KCTD20: variants seen among roughly 807,000 people sequenced by gnomAD.
KCTD20 encodes potassium channel tetramerization domain containing 20, also known as BTB/POZ domain-containing protein KCTD20.
A neutral mutation model predicts 39.6 loss-of-function variants in KCTD20; 30 were observed. The ratio of observed to expected loss-of-function variants is 0.76; its 90% CI spans 0.57 to 1.03. The LOEUF (loss-of-function observed/expected upper bound fraction) is 1.03. KCTD20 is among the 50% of genes least tolerant of loss of function. The probability of loss-of-function intolerance (pLI) is 0.00; values close to 1 mark genes in which losing one functional copy is unlikely to be tolerated. For synonymous variants in KCTD20, 162 were observed against 180.6 expected, an observed-to-expected ratio of 0.90 and a Z score of 0.83; for missense variants, 422 against 522.0, an observed-to-expected ratio of 0.81 and a Z score of 1.87.
intron 6 of KCTD20, among the ~76,000 whole-genome samples, chr6:36,483,986 C>CTGGA (rs1776342085): frequency 6.8e-6 from 1 of 146,930 alleles, no homozygotes. Flanking sequence ...CTTGGCCAGG[C>CTGGA]TGGAGTGCAA....
intron 7 of KCTD20, among the ~76,000 whole-genome samples, chr6:36,485,318 A>G (rs984063013): frequency 1.3e-5 from 2 of 152,112 alleles, no homozygotes; most frequent in African/African-American, 4.8e-5. Flanking sequence ...TCATCTCAAA[A>G]AAAAAAAAAG....
At chr6:36,446,024 G>GTTGTTTT (rs1554158231) in intron 1 of KCTD20, among the ~76,000 whole-genome samples, 1 of 126,538 alleles carries the variant, frequency 7.9e-6, no homozygotes, top group Non-Finnish European at 1.6e-5. Context: ...TATGAACTCA[G>GTTGTTTT]TTTTTTTTTT....
At chr6:36,474,128 G>T (rs950286203) in intron 2 of KCTD20, among the ~76,000 whole-genome samples, 3 of 152,020 alleles carry the variant, frequency 2.0e-5, no homozygotes, top group Admixed American at 2.0e-4. Context: ...CATTGTGCAG[G>T]TTAGTTACAT....
chr6:36,448,013 G>GTGTGTA (rs1554158507), intron 1 of KCTD20, among the ~76,000 whole-genome samples: 14,228 of 128,676 alleles, frequency 0.11, 1,074 homozygotes, highest in African/African-American at 0.16. Flanking sequence ...GTATGTGTGT[G>GTGTGTA]TGTATATATA....
At chr6:36,454,916 A>G (rs191365461) in intron 1 of KCTD20, among the ~76,000 whole-genome samples, 3 of 150,396 alleles carry the variant, frequency 2.0e-5, no homozygotes, top group East Asian at 2.0e-4. Context: ...CCAAAGTGCT[A>G]GGATTACAGG....
At chr6:36,480,809 C>T (rs115676756) in intron 5 of KCTD20, among the ~76,000 whole-genome samples, 2,381 of 152,282 alleles carry the variant, frequency 0.016, 38 homozygotes, top group Non-Finnish European at 0.024. Flanking sequence ...ACCTCGGCCT[C>T]CCAAAGTGCC....
chr6:36,461,477 G>A (rs1433653644), intron 1 of KCTD20, among the ~76,000 whole-genome samples: 1 of 151,922 alleles, frequency 6.6e-6, no homozygotes, highest in African/African-American at 2.4e-5. Context: ...TTATTATATG[G>A]TTCTTTAAAT....
In KCTD20 at chr6:36,486,977, A is replaced by G. The variant is rs370002381; in HGVS notation, c.1062A>G (p.Ser354=). The change falls in exon 8 of 8, where the codon TCA becomes TCG. Residue 354 remains serine, a synonymous_variant. Coordinates refer to ENST00000373731, the MANE Select transcript of KCTD20 (RefSeq NM_173562.5). The part of the protein sequence containing the change: ...NYVQRPFIQM[S]WEKEEGKSRH... The stretch of plus-strand genomic sequence containing the variant: ...TACAACGCCCCTTCATCCAGATGTC[A>G]TGGGAAAAGGAAGAAGGGAAGAGTC... The G allele has an allele frequency of 8.9e-5, 144 of 1,613,568 alleles. No homozygotes were observed. Among genetic ancestry groups the G allele is most frequent in the Non-Finnish European group, 1.2e-4 (143 of 1,179,560 alleles).
chr6:36,459,861 CT>C (rs1775548969), intron 1 of KCTD20, among the ~76,000 whole-genome samples: 1 of 152,170 alleles, frequency 6.6e-6, no homozygotes, highest in Admixed American at 6.5e-5. Context: ...CAACTCTTTT[CT>C]TGCTATATAA....
intron 6 of KCTD20, among the ~76,000 whole-genome samples, chr6:36,484,187 C>T (rs1408632635): frequency 1.3e-5 from 2 of 152,142 alleles, no homozygotes; most frequent in Non-Finnish European, 2.9e-5. Context: ...CTGCCTGCCT[C>T]GGCCTCCCAA....
intron 1 of KCTD20, among the ~76,000 whole-genome samples, chr6:36,458,643 A>G (rs1303472006): frequency 1.3e-5 from 2 of 151,006 alleles, no homozygotes; most frequent in African/African-American, 4.9e-5. Flanking sequence ...TTGGCCTCCC[A>G]AAGTGCTGGG....
chr6:36,481,808 C>T, intron 6 of KCTD20, 49 bp downstream of exon 6: 1 of 1,500,770 alleles, frequency 6.7e-7, no homozygotes, highest in Non-Finnish European at 9.2e-7. Context: ...AAACTTGCTA[C>T]CTGGAGTAGC....
chr6:36,474,576 C>T (rs1776006404), intron 2 of KCTD20, among the ~76,000 whole-genome samples: 1 of 152,176 alleles, frequency 6.6e-6, no homozygotes, highest in Non-Finnish European at 1.5e-5. Context: ...TCCCCCAACC[C>T]TCACATGTAC....
chr6:36,455,112 C>T (rs1436366143), intron 1 of KCTD20, among the ~76,000 whole-genome samples: 1 of 152,042 alleles, frequency 6.6e-6, no homozygotes, highest in Non-Finnish European at 1.5e-5. Flanking sequence ...CTCTGCTTAA[C>T]TTCTCAACTT....
At position 36,480,410 on chromosome 6, in the gene KCTD20, C is replaced by CTTT. The variant is rs550520667; in HGVS notation, c.658+720_658+722dup. Among the ~76,000 whole-genome samples the CTTT allele has an allele frequency of 9.2e-4, 112 of 121,774 alleles. 1 individual carries two copies. Among genetic ancestry groups the CTTT allele is most frequent in the African/African-American group, 3.4e-3 (107 of 31,366 alleles). 79.9% of individuals were successfully genotyped at this position (121,774 alleles called of 152,430 possible). On this transcript the variant is annotated intron_variant, in intron 5 of 7. Coordinates refer to ENST00000373731, the MANE Select transcript of KCTD20 (RefSeq NM_173562.5). The stretch of plus-strand genomic sequence containing the variant: ...CAGGTTCTCCTGATCATGATATTGC[C>CTTT]TTTTTTTTTTTTTTTTTTTTTTTAA...
intron 7 of KCTD20, among the ~76,000 whole-genome samples, chr6:36,485,299 A>T (rs1196409165): frequency 6.6e-6 from 1 of 151,802 alleles, no homozygotes. Context: ...GGGCAATAAG[A>T]GTTAAACTTC....
intron 5 of KCTD20, among the ~76,000 whole-genome samples, 176 bp downstream of exon 5, chr6:36,479,887 G>A (rs1182490829): frequency 6.9e-6 from 1 of 144,758 alleles, no homozygotes; most frequent in Non-Finnish European, 1.5e-5. Context: ...CGCCTCCTGG[G>A]TTCAAGGGAT....
Position 36,469,718 on chromosome 6 carries a change from CTA to C in KCTD20, c.-46-332_-46-331del, listed in dbSNP as rs1208652991. On this transcript the variant is annotated intron_variant, in intron 1 of 7. Coordinates refer to ENST00000373731, the MANE Select transcript of KCTD20 (RefSeq NM_173562.5). This position sits in a 1 kb window ranked among gnomAD's most constrained non-coding sequence, Gnocchi z 4.6. ...TTGAAAAGTTGGACTCTCTGCTGCCCTATGTCTCTGTAATATGAATACCACAA... is the reference window on the plus strand; with the variant it reads ...TTGAAAAGTTGGACTCTCTGCTGCCCTGTCTCTGTAATATGAATACCACAA... Among the ~76,000 whole-genome samples the C allele has an allele frequency of 6.6e-6, 1 of 152,054 alleles. No individual in the cohort carries two copies. Among genetic ancestry groups the C allele is most frequent in the Non-Finnish European group, 1.5e-5 (1 of 67,996 alleles).
intron 4 of KCTD20, 94 bp downstream of exon 4, chr6:36,479,317 G>T: frequency 1.1e-6 from 1 of 918,422 alleles, no homozygotes; most frequent in South Asian, 1.7e-5. Context: ...TTGACTTTAG[G>T]GTCTCTGGTT....
Sources: gnomAD v4.1 joint callset for allele counts (sites outside exome capture counted in the v4.1 genomes callset) on GRCh38, gnomAD v4.1.1 for gene constraint, Gnocchi (gnomAD v3.1) non-coding constraint, MANE v1.5 for transcripts, NCBI Gene and HGNC (gene_info 2026-07-23, HGNC 2026-07-21) for gene names.